Variants in UNC79 observed in about 807,000 individuals in gnomAD.
The protein encoded by UNC79 is unc-79 subunit of NALCN channel complex, also known as protein unc-79 homolog.
UNC79 carries 37 observed loss-of-function variants against 283.1 expected under a neutral mutation model. The observed-to-expected ratio is 0.13, with a 90% CI of 0.10 to 0.17. The LOEUF (loss-of-function observed/expected upper bound fraction) is 0.17. Ranked by LOEUF, UNC79 falls within the 10% of genes least tolerant of loss-of-function variation. The probability of loss-of-function intolerance (pLI) is 1.00; values close to 1 mark genes in which losing one functional copy is unlikely to be tolerated. For missense variants in UNC79, 2,272 were observed against 3,211.1 expected (o/e 0.71, Z 7.07); for synonymous variants, 1,107 against 1,200.2 (o/e 0.92, Z 1.61).
At chr14:93,418,565 A>G (rs1008059896) in intron 1 of UNC79, among the ~76,000 whole-genome samples, 12 of 151,850 alleles carry the variant, frequency 7.9e-5, no homozygotes, top group African/African-American at 2.9e-4. Flanking sequence ...TCAGACAGGG[A>G]CATTTAAGTC....
At chr14:93,604,813 C>A in intron 26 of UNC79, 83 bp from the exon 27 acceptor site, 2 of 1,335,210 alleles carry the variant, frequency 1.5e-6, no homozygotes. Context: ...CCCTACTATC[C>A]CATAAAGTTA....
intron 1 of UNC79, among the ~76,000 whole-genome samples, chr14:93,452,659 A>G (rs1036703552): frequency 6.6e-6 from 1 of 152,138 alleles, no homozygotes; most frequent in African/African-American, 2.4e-5. Context: ...AAGTGCTGGG[A>G]TTGCAGGAAT....
chr14:93,478,516 G>A (rs1286438436), intron 4 of UNC79, among the ~76,000 whole-genome samples: 3 of 152,228 alleles, frequency 2.0e-5, no homozygotes, highest in Admixed American at 6.5e-5. Context: ...GGAGTCAAAC[G>A]TTGGGATCCA....
chr14:93,601,228 T>C (rs1315363876), intron 25 of UNC79, among the ~76,000 whole-genome samples: 1 of 152,138 alleles, frequency 6.6e-6, no homozygotes, highest in Non-Finnish European at 1.5e-5. Context: ...GTACCCAATG[T>C]GTAGTCTTTT....
chr14:93,369,162 T>A (rs2139960920), intron 1 of UNC79, among the ~76,000 whole-genome samples: 1 of 152,268 alleles, frequency 6.6e-6, no homozygotes, highest in Non-Finnish European at 1.5e-5. Flanking sequence ...TGAGCTTTGG[T>A]GCAAAAAACT....
intron 22 of UNC79, among the ~76,000 whole-genome samples, chr14:93,592,433 C>G (rs2064764021): frequency 6.6e-6 from 1 of 152,130 alleles, no homozygotes; most frequent in South Asian, 2.1e-4. Flanking sequence ...CTCAGCCTCC[C>G]AAAGTGCTGG....
intron 1 of UNC79, among the ~76,000 whole-genome samples, chr14:93,352,822 A>C (rs971811117): frequency 9.2e-5 from 14 of 152,210 alleles, no homozygotes; most frequent in African/African-American, 3.4e-4. Flanking sequence ...ACCCATTGTA[A>C]ATTGAAAGTA....
chr14:93,605,808 G>C (rs1482223119), intron 26 of UNC79, among the ~76,000 whole-genome samples: 1 of 152,166 alleles, frequency 6.6e-6, no homozygotes, highest in African/African-American at 2.4e-5. Flanking sequence ...AGTCCGAAGT[G>C]GGAGGGGAGA....
intron 31 of UNC79, 115 bp from the exon 35 acceptor site, chr14:93,637,101 A>G (rs2068571654): frequency 5.5e-6 from 4 of 721,562 alleles, no homozygotes. Flanking sequence ...TGTTAATAAT[A>G]CATAGTAACA....
At chr14:93,425,914 C>T (rs952870674), upstream of UNC79, among the ~76,000 whole-genome samples, 3 of 152,136 alleles carry the variant, frequency 2.0e-5, no homozygotes, top group Non-Finnish European at 2.9e-5. Flanking sequence ...GAAAAACAAG[C>T]TGTAGACTGG....
At chr14:93,338,319 G>A (rs1566876912) in intron 1 of UNC79, among the ~76,000 whole-genome samples, 1 of 152,100 alleles carries the variant, frequency 6.6e-6, no homozygotes, top group East Asian at 1.9e-4. Context: ...CTTGCCATGT[G>A]ACACTGCTTG....
At chr14:93,537,966 G>C in intron 11 of UNC79, 23 bp from the exon 12 acceptor site, 1 of 1,588,840 alleles carries the variant, frequency 6.3e-7, no homozygotes. Flanking sequence ...AATTTTAATT[G>C]ATTTCACTTT....
chr14:93,567,468 C>T (rs1466626546), intron 14 of UNC79, among the ~76,000 whole-genome samples: 1 of 152,094 alleles, frequency 6.6e-6, no homozygotes, highest in Non-Finnish European at 1.5e-5. Context: ...CTCAGGTGAT[C>T]CACCCATCTT....
intron 1 of UNC79, 67 bp from the exon 2 acceptor site, chr14:93,467,604 T>G: frequency 7.1e-6 from 9 of 1,263,578 alleles, no homozygotes; most frequent in Non-Finnish European, 9.0e-6. Context: ...TACAAGATGA[T>G]TCTTCTCTTT....
Position 93,570,823 on chromosome 14 carries a change from T to C in UNC79, c.1756-1071T>C, listed in dbSNP as rs957258702. 6.6e-5 allele frequency among the ~76,000 whole-genome samples: 10 copies of C among 152,332 alleles called. No individual in the cohort carries two copies. In the South Asian group the frequency reaches 1.9e-3, roughly 28 times the overall value. ...CAATTTAGGGTTTCCAAAAGCGTAC[T>C]TGTTCCAACGTACTATTCAAAACCA... is the stretch of plus-strand genomic sequence containing the variant. On this transcript the variant is annotated intron_variant, in intron 14 of 48. Coordinates refer to ENST00000555664, the Ensembl canonical transcript of UNC79.
At chr14:93,400,156 G>C (rs911389337) in intron 1 of UNC79, among the ~76,000 whole-genome samples, 1 of 152,090 alleles carries the variant, frequency 6.6e-6, no homozygotes, top group African/African-American at 2.4e-5. Context: ...AATGTTTTTG[G>C]GAGAAATATT....
intron 47 of UNC79, among the ~76,000 whole-genome samples, chr14:93,695,397 C>T (rs926637666): frequency 6.6e-6 from 1 of 152,154 alleles, no homozygotes; most frequent in African/African-American, 2.4e-5. Flanking sequence ...GTTACCAGAA[C>T]AGAACAAGAT....
At chr14:93,385,185 G>GT (rs1183349637) in intron 1 of UNC79, among the ~76,000 whole-genome samples, 3 of 152,110 alleles carry the variant, frequency 2.0e-5, no homozygotes, top group Non-Finnish European at 4.4e-5. Flanking sequence ...TTTTAGAATT[G>GT]TTTTTTCTAT....
Position 93,612,006 on chromosome 14 carries a change from G to C in UNC79, c.3755-791G>C, listed in dbSNP as rs1282333710. On this transcript the variant is annotated intron_variant, in intron 26 of 48. Coordinates refer to ENST00000555664, the Ensembl canonical transcript of UNC79. ...ACTTCTGACTTTGAAAAATAACAGA[G>C]AAAGTCAATGTCAGGGAGCTGCTCA... Among the ~76,000 whole-genome samples, 13 of 152,312 alleles carry C rather than the reference G, an allele frequency of 8.5e-5. No homozygotes were observed. The East Asian group carries it at 2.5e-3, about 29-fold the overall frequency.
Sources: gnomAD v4.1 joint callset for allele counts (sites outside exome capture counted in the v4.1 genomes callset) on GRCh38, gnomAD v4.1.1 for gene constraint, MANE v1.5 for transcripts, NCBI Gene and HGNC (gene_info 2026-07-23, HGNC 2026-07-21) for gene names.